Variants in TTC28 observed in about 807,000 individuals in gnomAD.
TTC28 encodes the protein tetratricopeptide repeat protein 28.
A neutral mutation model predicts 198.0 loss-of-function variants in TTC28; 61 were observed. The observed-to-expected ratio is 0.31, with a 90% confidence interval of 0.25 to 0.38. The LOEUF (loss-of-function observed/expected upper bound fraction) is 0.38, where lower values mean the gene tolerates loss of function less well. Among genes scored for constraint, TTC28 ranks in the 10% least tolerant of loss-of-function variants. The probability of loss-of-function intolerance (pLI) is 1.00; values close to 1 mark genes in which losing one functional copy is unlikely to be tolerated. For missense variants in TTC28, 2,678 were observed against 3,164.0 expected, an observed-to-expected ratio of 0.85 and a Z score of 3.69; for synonymous variants, 1,171 against 1,297.8, an observed-to-expected ratio of 0.90 and a Z score of 2.10.
At chr22:28,472,388 TAGG>T (rs1258390146) in intron 2 of TTC28, among the ~76,000 whole-genome samples, 1 of 152,092 alleles carries the variant, frequency 6.6e-6, no homozygotes, top group Non-Finnish European at 1.5e-5. Flanking sequence ...CTTGGGGAGA[TAGG>T]AGGCAAAACG....
At chr22:28,052,507 G>C (rs1940127684) in intron 12 of TTC28, among the ~76,000 whole-genome samples, 1 of 152,054 alleles carries the variant, frequency 6.6e-6, no homozygotes, top group Non-Finnish European at 1.5e-5. Flanking sequence ...CTCCCAAACT[G>C]ATGTTTTTTC....
At chr22:28,254,754 G>A (rs959541283) in intron 5 of TTC28, among the ~76,000 whole-genome samples, 1 of 152,144 alleles carries the variant, frequency 6.6e-6, no homozygotes, top group Admixed American at 6.5e-5. Context: ...AGACCCAAAA[G>A]AGTAGTGGCT....
intron 17 of TTC28, among the ~76,000 whole-genome samples, chr22:27,994,939 C>T (rs1333800896): frequency 6.6e-6 from 1 of 152,148 alleles, no homozygotes; most frequent in Non-Finnish European, 1.5e-5. Context: ...GTGGAGAGGG[C>T]CTCCCAGCAC....
chr22:28,385,954 A>G (rs1385644286), intron 2 of TTC28, among the ~76,000 whole-genome samples: 1 of 152,106 alleles, frequency 6.6e-6, no homozygotes, highest in Non-Finnish European at 1.5e-5. Flanking sequence ...AAACTTTCTA[A>G]GCCCCGCTCG....
At chr22:28,125,065 T>C (rs931320323) in intron 6 of TTC28, among the ~76,000 whole-genome samples, 4 of 152,328 alleles carry the variant, frequency 2.6e-5, no homozygotes, top group Admixed American at 2.6e-4. Flanking sequence ...GTGTTACATA[T>C]ACCTTTCCTC....
At chr22:28,048,936 C>T (rs8136640) in intron 12 of TTC28, among the ~76,000 whole-genome samples, 387 of 152,268 alleles carry the variant, frequency 2.5e-3, no homozygotes, top group African/African-American at 8.8e-3. Context: ...AAAGCTTCCC[C>T]TGAACACCTG....
At chr22:28,077,949 G>A (rs531574096) in intron 12 of TTC28, among the ~76,000 whole-genome samples, 3 of 152,244 alleles carry the variant, frequency 2.0e-5, no homozygotes, top group African/African-American at 7.2e-5. Context: ...TAGGAGCCCA[G>A]GGAACAATTT....
At chr22:28,319,701 T>C (rs891540036) in intron 2 of TTC28, among the ~76,000 whole-genome samples, 1 of 152,222 alleles carries the variant, frequency 6.6e-6, no homozygotes, top group African/African-American at 2.4e-5. Context: ...TGACATTTCA[T>C]GAGATGTGTC....
intron 2 of TTC28, among the ~76,000 whole-genome samples, chr22:28,605,648 G>C (rs752590965): frequency 6.6e-6 from 1 of 151,874 alleles, no homozygotes; most frequent in Non-Finnish European, 1.5e-5. Context: ...ACCAAACAAG[G>C]GCTAATCTCA....
At chr22:28,210,180 T>C (rs955591151) in intron 5 of TTC28, among the ~76,000 whole-genome samples, 2 of 152,080 alleles carry the variant, frequency 1.3e-5, no homozygotes. Flanking sequence ...ACCACAAAGA[T>C]GCGGAGACAC....
chr22:28,347,114 A>C (rs903714271), intron 2 of TTC28, among the ~76,000 whole-genome samples: 12 of 151,744 alleles, frequency 7.9e-5, no homozygotes, highest in Non-Finnish European at 1.6e-4. Flanking sequence ...AAATACAAAA[A>C]TTAGCTGGAT....
At chr22:28,023,855 T>G (rs779172054) in intron 13 of TTC28, among the ~76,000 whole-genome samples, 12 of 152,184 alleles carry the variant, frequency 7.9e-5, no homozygotes, top group Non-Finnish European at 1.3e-4. Context: ...CCTGGGCAAC[T>G]AACTTAACCT....
intron 1 of TTC28, among the ~76,000 whole-genome samples, chr22:28,660,915 A>C (rs1017682742): frequency 1.3e-5 from 2 of 152,080 alleles, no homozygotes; most frequent in African/African-American, 4.8e-5. Flanking sequence ...AGGAAAAAAA[A>C]AATTTTAAAT....
At chr22:28,616,171 C>A (rs546454203) in intron 2 of TTC28, among the ~76,000 whole-genome samples, 1 of 152,132 alleles carries the variant, frequency 6.6e-6, no homozygotes, top group Non-Finnish European at 1.5e-5. Flanking sequence ...TAGTAATTAA[C>A]GACAAAGTCT....
At position 28,296,236 on chromosome 22, in the gene TTC28, G is replaced by T. The variant is rs1340612880; in HGVS notation, c.895C>A (p.His299Asn). 3 of 1,550,618 alleles carry T rather than the reference G, an allele frequency of 1.9e-6. No homozygotes were observed. The Admixed American group carries it at 5.9e-5, about 30-fold the overall frequency. ...NYREALTNHR[H>N]QLVLAMKLKD... ...AGTTTCATGGCGAGTACCAACTGAT[G>T]CCTGTGGTTAGTGAGAGCCTCCCGG... is the stretch of plus-strand genomic sequence containing the variant. Residue 299 changes from histidine (H) to asparagine (N), a missense_variant, in exon 5 of 23, where the codon CAT (histidine) becomes AAT (asparagine). Transcript: ENST00000397906.
intron 1 of TTC28, among the ~76,000 whole-genome samples, chr22:28,645,998 C>G (rs1250874981): frequency 6.6e-6 from 1 of 151,996 alleles, no homozygotes; most frequent in Non-Finnish European, 1.5e-5. Context: ...GGCATTCCCC[C>G]TCGGAACTGC....
rs539811486 is a variant in TTC28 at position 28,634,707 on chromosome 22, C to A, written c.103-4877G>T. 1.4e-4 allele frequency among the ~76,000 whole-genome samples: 21 copies of A among 151,534 alleles called. No individual in the cohort carries two copies. In the East Asian group the frequency reaches 4.2e-3, roughly 30 times the overall value. On this transcript the variant is annotated intron_variant, in intron 1 of 22. Transcript: ENST00000397906. ...TCTAGCGCTTCTCCTGCCTCGGCCT[C>A]CTGAGTAGCTGGGATTACAGGTGTG...
At chr22:28,043,129 A>G (rs1939721940) in intron 12 of TTC28, among the ~76,000 whole-genome samples, 1 of 150,824 alleles carries the variant, frequency 6.6e-6, no homozygotes, top group Admixed American at 6.7e-5. Flanking sequence ...CTGTAATCCC[A>G]GCTACTCGGG....
At chr22:28,527,858 C>G (rs912060418) in intron 2 of TTC28, among the ~76,000 whole-genome samples, 2 of 152,144 alleles carry the variant, frequency 1.3e-5, no homozygotes, top group African/African-American at 4.8e-5. Context: ...GTCTTGAACT[C>G]CTAGCCTCAA....
Sources: allele counts gnomAD v4.1 joint callset (sites outside exome capture counted in the v4.1 genomes callset), GRCh38; gene constraint gnomAD v4.1.1; transcripts MANE v1.5; gene names NCBI Gene and HGNC (gene_info 2026-07-23, HGNC 2026-07-21).